The following SMG6 variants were observed in gnomAD, a reference collection of about 807,000 sequenced individuals.
SMG6 encodes the protein SMG6 nonsense mediated mRNA decay factor.
Under a neutral mutation model 142.2 loss-of-function variants are expected in SMG6, and 66 were observed. That is an observed-to-expected ratio of 0.46 (90% CI 0.38 to 0.57). SMG6 has a LOEUF of 0.57. SMG6 is among the 20% of genes least tolerant of loss of function. SMG6 has a pLI of 0.00. For missense variants in SMG6, 1,793 were observed against 1,832.0 expected (o/e 0.98, Z 0.39); for synonymous variants, 779 against 702.4 (o/e 1.11, Z -1.72).
intron 8 of SMG6, among the ~76,000 whole-genome samples, chr17:2,266,978 G>A (rs2074435532): frequency 6.6e-6 from 1 of 152,106 alleles, no homozygotes; most frequent in Non-Finnish European, 1.5e-5. Flanking sequence ...CATGGCCTAA[G>A]AAAAAGAAAA....
chr17:2,087,391 A>G, intron 13 of SMG6: 1 of 1,187,796 alleles, frequency 8.4e-7, no homozygotes, highest in Non-Finnish European at 1.1e-6. Flanking sequence ...CTGTGGCTGC[A>G]TCCTCTGCCA....
At chr17:2,219,267 C>A (rs912448282) in intron 10 of SMG6, among the ~76,000 whole-genome samples, 4 of 152,078 alleles carry the variant, frequency 2.6e-5, no homozygotes, top group Admixed American at 2.0e-4. Flanking sequence ...CACCTGTAGT[C>A]CCAGCTACAT....
In SMG6 at chr17:2,169,589, T is replaced by C. The variant is rs370424950; in HGVS notation, c.3357+3069A>G. Among the ~76,000 whole-genome samples, 26 of 152,226 alleles carry C rather than the reference T, an allele frequency of 1.7e-4. No homozygotes were observed. In the East Asian group the frequency reaches 4.6e-3, roughly 27 times the overall value. The stretch of plus-strand genomic sequence containing the variant: ...TGTTTCCGGTTAAGAAAAGAGCAAC[T>C]GCAAAGACCCTGAGGCATGAGCGCT... On this transcript the variant is annotated intron_variant, in intron 13 of 18. Transcript: ENST00000263073.
intron 13 of SMG6, among the ~76,000 whole-genome samples, chr17:2,131,051 CTT>C (rs2070105182): frequency 6.6e-6 from 1 of 152,130 alleles, no homozygotes; most frequent in Admixed American, 6.6e-5. Context: ...AAAAGTAACC[CTT>C]TTACCCCACC....
At position 2,112,401 on chromosome 17, in the gene SMG6, G is replaced by C. The variant is rs548594482; in HGVS notation, c.3358-26500C>G. ...CGGGCGTCTGGAGTCCCAGCTACTC[G>C]GGAGGCTGAGGCAGGAGAATGGCAT... On this transcript the variant is annotated intron_variant, in intron 13 of 18. Transcript: ENST00000263073. Among the ~76,000 whole-genome samples, 3 of 151,378 alleles carry C rather than the reference G, an allele frequency of 2.0e-5. No homozygotes were observed. In the South Asian group the frequency reaches 6.2e-4, roughly 31 times the overall value.
rs1161956483 is a variant in SMG6, at chr17:2,066,652, T to TACACACACACACACACACACAC, written c.3836-995_3836-974dup. The stretch of plus-strand genomic sequence containing the variant: ...TTTCTGGAAAGGGCCCATGTGGGAA[T>TACACACACACACACACACACAC]ACACACACACACACACACACACACA... On this transcript the variant is annotated intron_variant, in intron 16 of 18. Transcript: ENST00000263073. Among the ~76,000 whole-genome samples the TACACACACACACACACACACAC allele has an allele frequency of 2.2e-3, 264 of 119,576 alleles. 6 individuals carry two copies. Among genetic ancestry groups the TACACACACACACACACACACAC allele is most frequent in the Admixed American group, 2.8e-3 (31 of 11,132 alleles). 78.4% of individuals were successfully genotyped at this position (119,576 alleles called of 152,430 possible). A position where few individuals can be genotyped will look rare whatever the true frequency, so the allele number is the denominator to read the frequency against.
Position 2,168,185 on chromosome 17 carries a change from T to A in SMG6, c.3357+4473A>T, listed in dbSNP as rs533475057. Among the ~76,000 whole-genome samples the A allele has an allele frequency of 2.1e-3, 313 of 151,898 alleles. 2 individuals carry two copies. The highest frequency in any genetic ancestry group is 6.1e-3 in the African/African-American group (251 of 41,446). On this transcript the variant is annotated intron_variant, in intron 13 of 18. Transcript: ENST00000263073. The stretch of plus-strand genomic sequence containing the variant: ...GCCTGGCCCTTTTGCAGGTTTTTTT[T>A]AAAAAAATTTTATTTATTTATTTTT...
intron 8 of SMG6, among the ~76,000 whole-genome samples, chr17:2,257,500 G>A (rs1003679262): frequency 6.6e-6 from 1 of 152,172 alleles, no homozygotes. Flanking sequence ...TTCTGATCCT[G>A]AGTAGTAGCA....
intron 13 of SMG6, among the ~76,000 whole-genome samples, chr17:2,144,526 A>G (rs2070600516): frequency 6.7e-6 from 1 of 149,824 alleles, no homozygotes; most frequent in South Asian, 2.1e-4. Flanking sequence ...TATCCTTTAC[A>G]AGGTAGCTTT....
chr17:2,152,258 C>G (rs2070850071), intron 13 of SMG6, among the ~76,000 whole-genome samples: 1 of 152,198 alleles, frequency 6.6e-6, no homozygotes, highest in Non-Finnish European at 1.5e-5. Context: ...TTATCCCCCT[C>G]TTTCATTTTA....
chr17:2,236,397 G>GGA (rs2073653893), intron 10 of SMG6, 95 bp downstream of exon 10: 1 of 1,284,160 alleles, frequency 7.8e-7, no homozygotes, highest in Admixed American at 2.0e-5. Flanking sequence ...GTGGGGTGGG[G>GGA]GGAGGTAGGT....
Position 2,299,354 on chromosome 17 carries a change from G to C in SMG6, c.1399C>G (p.Leu467Val). The C allele has an allele frequency of 1.9e-6, 3 of 1,614,072 alleles. No individual in the cohort carries two copies. Among genetic ancestry groups the C allele is most frequent in the South Asian group, 1.1e-5 (1 of 91,076 alleles). The stretch of plus-strand genomic sequence containing the variant: ...TGTAGCTGGGGCGTCTGAGTCTTTA[G>C]AGCAGGTTTCTGATCAGGATTGTTT... ...DPNNPDQKPA[L>V]KTQTPQLHFL... Residue 467 changes from leucine to valine, a missense_variant, in exon 2 of 19, where the codon CTA becomes GTA. Coordinates refer to ENST00000263073, the MANE Select transcript of SMG6 (RefSeq NM_017575.5). This position sits in a 1 kb window ranked among gnomAD's most constrained non-coding sequence, Gnocchi z 4.3.
chr17:2,267,803 C>T (rs1398413349), intron 8 of SMG6, among the ~76,000 whole-genome samples: 1 of 150,152 alleles, frequency 6.7e-6, no homozygotes. Context: ...GCTGGAGTGC[C>T]GTGGCGCGAT....
intron 8 of SMG6, among the ~76,000 whole-genome samples, chr17:2,265,266 T>C (rs1370572265): frequency 1.3e-5 from 2 of 152,148 alleles, no homozygotes; most frequent in Non-Finnish European, 2.9e-5. Flanking sequence ...AAGCCTGTAA[T>C]CCCAGCACTT....
chr17:2,071,584 C>A lies in SMG6; in HGVS notation c.3682-2653G>T, dbSNP rs532088648. Among the ~76,000 whole-genome samples, 1 of 152,212 alleles carries A rather than the reference C, an allele frequency of 6.6e-6. No homozygotes were observed. The highest frequency in any genetic ancestry group is 6.5e-5 in the Admixed American group (1 of 15,282). The stretch of plus-strand genomic sequence containing the variant: ...TGGTCAGAGCTGTGCTGCCATCATC[C>A]GGTCCCAGGGACGCCCGCAGACAAC... On this transcript the variant is annotated intron_variant, in intron 15 of 18. Coordinates refer to ENST00000263073, the MANE Select transcript of SMG6 (RefSeq NM_017575.5). This position sits in a 1 kb window ranked among gnomAD's most constrained non-coding sequence, Gnocchi z 5.6.
chr17:2,064,448 T>C (rs754610582), intron 18 of SMG6, among the ~76,000 whole-genome samples: 3 of 151,950 alleles, frequency 2.0e-5, no homozygotes, highest in Non-Finnish European at 4.4e-5. Flanking sequence ...CCCCAAAAGG[T>C]CTTGAAAACC....
intron 12 of SMG6, 121 bp from the exon 13 acceptor site, chr17:2,172,980 G>C (rs1271309474): frequency 4.2e-6 from 4 of 944,896 alleles, no homozygotes; most frequent in Non-Finnish European, 6.4e-6. Flanking sequence ...GCATCTGCCA[G>C]GAAATCATAC....
intron 8 of SMG6, chr17:2,244,994 A>C: frequency 2.3e-6 from 1 of 442,654 alleles, no homozygotes; most frequent in Non-Finnish European, 4.1e-6. Flanking sequence ...GTGAATCCTA[A>C]TAAGCAGGAT....
intron 13 of SMG6, among the ~76,000 whole-genome samples, chr17:2,105,513 A>G (rs1429812219): frequency 1.3e-5 from 2 of 152,152 alleles, no homozygotes; most frequent in Non-Finnish European, 2.9e-5. Context: ...ACTGCACTCC[A>G]GCCTGAGCAA....
Sources: allele counts gnomAD v4.1 joint callset (sites outside exome capture counted in the v4.1 genomes callset), GRCh38; gene constraint gnomAD v4.1.1; non-coding constraint Gnocchi (gnomAD v3.1); transcripts MANE v1.5; gene names NCBI Gene and HGNC (gene_info 2026-07-23, HGNC 2026-07-21).